CCBE1: variants seen among roughly 807,000 people sequenced by gnomAD.
CCBE1 encodes the protein collagen and calcium binding EGF domains 1, also known as collagen and calcium-binding EGF domain-containing protein 1.
In CCBE1, 37 loss-of-function variants were observed where a neutral mutation model predicts 50.0. The ratio of observed to expected loss-of-function variants is 0.74; its 90% CI spans 0.57 to 0.97. The LOEUF (loss-of-function observed/expected upper bound fraction) is 0.97. Among genes scored for constraint, CCBE1 ranks in the 50% least tolerant of loss-of-function variants. The pLI, the probability that CCBE1 is intolerant of heterozygous loss-of-function variation, is 0.00. For missense variants in CCBE1, 538 were observed against 523.8 expected, an observed-to-expected ratio of 1.03 and a Z score of -0.26; for synonymous variants, 234 against 203.7, an observed-to-expected ratio of 1.15 and a Z score of -1.27.
At chr18:59,620,800 C>A (rs1165145931) in intron 2 of CCBE1, among the ~76,000 whole-genome samples, 1 of 152,170 alleles carries the variant, frequency 6.6e-6, no homozygotes, top group African/African-American at 2.4e-5. Flanking sequence ...AACTGTGAGT[C>A]CATTAAACCT....
intron 2 of CCBE1, among the ~76,000 whole-genome samples, chr18:59,520,218 A>G (rs1162066763): frequency 6.6e-6 from 1 of 152,162 alleles, no homozygotes; most frequent in Non-Finnish European, 1.5e-5. Context: ...AAGAAAGTCA[A>G]TGGTAGCTTG....
At chr18:59,569,477 C>G (rs1048942014) in intron 2 of CCBE1, among the ~76,000 whole-genome samples, 1 of 152,162 alleles carries the variant, frequency 6.6e-6, no homozygotes, top group African/African-American at 2.4e-5. Context: ...GATACAAACT[C>G]CCAATTTACA....
At chr18:59,634,566 A>C (rs1234767015) in intron 2 of CCBE1, among the ~76,000 whole-genome samples, 1 of 152,244 alleles carries the variant, frequency 6.6e-6, no homozygotes, top group African/African-American at 2.4e-5. Context: ...CGAGGAAAGC[A>C]AAACTATGAG....
chr18:59,547,137 GGA>G (rs775642615), intron 2 of CCBE1, among the ~76,000 whole-genome samples: 25 of 149,936 alleles, frequency 1.7e-4, no homozygotes, highest in Non-Finnish European at 2.5e-4. Flanking sequence ...GAGAGAGAGG[GGA>G]GAGAGAGGGA....
At chr18:59,607,634 T>C (rs1319446810) in intron 2 of CCBE1, among the ~76,000 whole-genome samples, 1 of 152,234 alleles carries the variant, frequency 6.6e-6, no homozygotes, top group African/African-American at 2.4e-5. Context: ...GATGCTGTCC[T>C]AGGGCACCTC....
At chr18:59,559,532 C>T (rs1157642560) in intron 2 of CCBE1, among the ~76,000 whole-genome samples, 1 of 152,212 alleles carries the variant, frequency 6.6e-6, no homozygotes. Flanking sequence ...TGCTGCGCAA[C>T]CCAGTCCCAT....
chr18:59,552,942 A>T (rs983798567), intron 2 of CCBE1, among the ~76,000 whole-genome samples: 1 of 152,144 alleles, frequency 6.6e-6, no homozygotes, highest in Non-Finnish European at 1.5e-5. Context: ...AAGATATAAA[A>T]CAGTAACACT....
intron 2 of CCBE1, among the ~76,000 whole-genome samples, chr18:59,526,824 T>C (rs1291634345): frequency 1.3e-5 from 2 of 152,222 alleles, no homozygotes; most frequent in Non-Finnish European, 2.9e-5. Flanking sequence ...TGGTTTTGAG[T>C]GAGTTTCTTA....
At chr18:59,479,873 G>A (rs1912483751) in intron 3 of CCBE1, among the ~76,000 whole-genome samples, 1 of 152,218 alleles carries the variant, frequency 6.6e-6, no homozygotes, top group Non-Finnish European at 1.5e-5. Flanking sequence ...CAAGGGAGGA[G>A]GGTTGGTTCT....
chr18:59,460,669 C>T (rs1417965277), intron 5 of CCBE1, among the ~76,000 whole-genome samples: 6 of 152,158 alleles, frequency 3.9e-5, no homozygotes, highest in Admixed American at 6.5e-5. Context: ...CTGTGGCTCA[C>T]GCCTGTAATC....
chr18:59,542,994 C>A (rs1915528213), intron 2 of CCBE1, among the ~76,000 whole-genome samples: 1 of 152,216 alleles, frequency 6.6e-6, no homozygotes, highest in Non-Finnish European at 1.5e-5. Flanking sequence ...CCTTTTCCCT[C>A]TTTTTAAAAA....
intron 2 of CCBE1, among the ~76,000 whole-genome samples, chr18:59,671,821 A>AAAG (rs1555706970): frequency 2.8e-4 from 39 of 139,950 alleles, no homozygotes; most frequent in Admixed American, 1.2e-3. Context: ...TTAAAAAAAA[A>AAAG]GGGGGGGGGT....
chr18:59,508,398 C>G (rs554921006), intron 2 of CCBE1, among the ~76,000 whole-genome samples: 1 of 151,804 alleles, frequency 6.6e-6, no homozygotes, highest in Non-Finnish European at 1.5e-5. Flanking sequence ...AGGAGTGAGA[C>G]CAGCCCAGCC....
intron 2 of CCBE1, among the ~76,000 whole-genome samples, chr18:59,537,526 A>G (rs1915299663): frequency 6.6e-6 from 1 of 152,170 alleles, no homozygotes; most frequent in Admixed American, 6.5e-5. Context: ...GCTGCCATGT[A>G]AGATGTGCCT....
rs1042299196 is a variant in CCBE1 at position 59,526,984 on chromosome 18, A to T, written c.213-46746T>A. On this transcript the variant is annotated intron_variant, in intron 2 of 10. Transcript: ENST00000439986. ...TGGTGCTAAGAAGAATGCATATTCT[A>T]TTGTTATGGGGTGGAGAGTTCTGTA... is the stretch of plus-strand genomic sequence containing the variant. Among the ~76,000 whole-genome samples the T allele has an allele frequency of 6.6e-5, 10 of 152,298 alleles. No homozygotes were observed. In the East Asian group the frequency reaches 1.5e-3, roughly 24 times the overall value.
intron 2 of CCBE1, among the ~76,000 whole-genome samples, chr18:59,554,829 G>A (rs926916128): frequency 6.6e-6 from 1 of 152,208 alleles, no homozygotes; most frequent in African/African-American, 2.4e-5. Flanking sequence ...ACAAAAGAAG[G>A]GGTAGGTTCC....
In CCBE1 at chr18:59,695,237, T is replaced by C. The variant is rs141627630; in HGVS notation, c.212+1392A>G. Among the ~76,000 whole-genome samples, 132 of 152,268 alleles carry C rather than the reference T, an allele frequency of 8.7e-4. 1 individual carries two copies. In the East Asian group the frequency reaches 0.021, roughly 24 times the overall value. On this transcript the variant is annotated intron_variant, in intron 2 of 10. Coordinates refer to ENST00000439986, the MANE Select transcript of CCBE1 (RefSeq NM_133459.4). ...ACTGTGCTGATAGGAAAACAATGTG[T>C]CCTAAGAAACACTGTGGTCGTGTGG... is the stretch of plus-strand genomic sequence containing the variant.
chr18:59,555,122 C>A (rs563806513), intron 2 of CCBE1, among the ~76,000 whole-genome samples: 1 of 152,298 alleles, frequency 6.6e-6, no homozygotes, highest in Admixed American at 6.5e-5. Context: ...AAAATGTGAC[C>A]CATTCCACAT....
chr18:59,471,396 G>T (rs1912028099), intron 3 of CCBE1, among the ~76,000 whole-genome samples: 1 of 152,168 alleles, frequency 6.6e-6, no homozygotes, highest in South Asian at 2.1e-4. Flanking sequence ...GTGCCCTGCA[G>T]TCACACCCAT....
Sources: allele counts gnomAD v4.1 joint callset (sites outside exome capture counted in the v4.1 genomes callset), GRCh38; gene constraint gnomAD v4.1.1; transcripts MANE v1.5; gene names NCBI Gene and HGNC (gene_info 2026-07-23, HGNC 2026-07-21).